The following NFIA variants were observed in gnomAD, a reference collection of about 807,000 sequenced individuals.
The protein encoded by NFIA is nuclear factor I A.
In NFIA, 8 loss-of-function variants were observed where a neutral mutation model predicts 62.8. That is an observed-to-expected ratio of 0.13 (90% CI 0.07 to 0.23). The LOEUF (loss-of-function observed/expected upper bound fraction) is 0.23. Among genes scored for constraint, NFIA ranks in the 10% least tolerant of loss-of-function variants. The pLI, the probability that NFIA is intolerant of heterozygous loss-of-function variation, is 1.00. For synonymous variants in NFIA, 235 were observed against 238.1 expected (o/e 0.99, Z 0.12); for missense variants, 410 against 642.1 (o/e 0.64, Z 3.91).
Position 61,258,020 on chromosome 1 carries a change from T to A in NFIA, c.560-19500T>A, listed in dbSNP as rs1295748638. Among the ~76,000 whole-genome samples, 5 of 152,036 alleles carry A rather than the reference T, an allele frequency of 3.3e-5. No homozygotes were observed. In the East Asian group the frequency reaches 9.6e-4, roughly 29 times the overall value. On this transcript the variant is annotated intron_variant, in intron 2 of 10. Transcript: ENST00000403491. The stretch of plus-strand genomic sequence containing the variant: ...ACCCTTAATCTTTATTATTAGTTCA[T>A]CATCTTTTATCATGTATACTATGTG...
chr1:61,236,289 T>C (rs1275625025), intron 2 of NFIA, among the ~76,000 whole-genome samples: 1 of 152,102 alleles, frequency 6.6e-6, no homozygotes, highest in Non-Finnish European at 1.5e-5. Context: ...TTTAGCTAAA[T>C]AGGTGTGAAG....
intron 2 of NFIA, among the ~76,000 whole-genome samples, chr1:61,255,397 T>G (rs1362844496): frequency 6.6e-6 from 1 of 152,270 alleles, no homozygotes; most frequent in Non-Finnish European, 1.5e-5. Context: ...CATGAGAAAT[T>G]ATCAAGTACA....
At chr1:61,161,654 T>C (rs533305526) in intron 2 of NFIA, among the ~76,000 whole-genome samples, 15 of 152,128 alleles carry the variant, frequency 9.9e-5, no homozygotes, top group African/African-American at 3.6e-4. Flanking sequence ...GGTTTGACTT[T>C]ATGATGAGTT....
At chr1:61,334,573 A>G (rs1210277916) in intron 4 of NFIA, among the ~76,000 whole-genome samples, 40,040 of 60,058 alleles carry the variant, frequency 0.67, 11,678 homozygotes, top group East Asian at 0.77. Flanking sequence ...ATATATATAT[A>G]TATATATATA....
intron 2 of NFIA, among the ~76,000 whole-genome samples, chr1:61,120,613 T>G (rs577954655): frequency 6.6e-6 from 1 of 152,294 alleles, no homozygotes; most frequent in South Asian, 2.1e-4. Context: ...ATAAAGTCAT[T>G]TTTCTGGTCC....
At chr1:61,201,631 T>C (rs1475167276) in intron 2 of NFIA, among the ~76,000 whole-genome samples, 1 of 152,000 alleles carries the variant, frequency 6.6e-6, no homozygotes, top group Admixed American at 6.6e-5. Flanking sequence ...TTAGGTTCAA[T>C]TACATAAGGA....
At position 61,303,410 on chromosome 1, in the gene NFIA, T is replaced by C. The variant is rs189948191; in HGVS notation, c.625+25825T>C. Among the ~76,000 whole-genome samples, 6 of 152,284 alleles carry C rather than the reference T, an allele frequency of 3.9e-5. No homozygotes were observed. In the East Asian group the frequency reaches 9.6e-4, roughly 24 times the overall value. On this transcript the variant is annotated intron_variant, in intron 3 of 10. Transcript: ENST00000403491. ...GTGCATGAGATGATAATAAGTGCTATGGAGAAAAATTAAGAAAGAAAGAGG... is the reference window on the plus strand; with the variant it reads ...GTGCATGAGATGATAATAAGTGCTACGGAGAAAAATTAAGAAAGAAAGAGG...
chr1:61,311,073 G>A (rs765341697), intron 3 of NFIA, among the ~76,000 whole-genome samples: 2 of 152,102 alleles, frequency 1.3e-5, no homozygotes, highest in Non-Finnish European at 2.9e-5. Context: ...ATTGCATCGC[G>A]TTTTCTGAAA....
At chr1:61,199,525 A>G (rs996716276) in intron 2 of NFIA, among the ~76,000 whole-genome samples, 2 of 152,168 alleles carry the variant, frequency 1.3e-5, no homozygotes, top group Admixed American at 6.5e-5. Flanking sequence ...AGTAGTAGAC[A>G]TGAAATTTGA....
rs1016251845 is a variant in NFIA at position 61,219,194 on chromosome 1, T to C, written c.560-58326T>C. ...TTGCAGTAAGCTGAGATCAGGTCAC[T>C]GATCTCCAGCCTAGGTGAAAAAGCG... On this transcript the variant is annotated intron_variant, in intron 2 of 10. Coordinates refer to ENST00000403491, the MANE Select transcript of NFIA (RefSeq NM_001134673.4). Among the ~76,000 whole-genome samples, 6 of 151,386 alleles carry C rather than the reference T, an allele frequency of 4.0e-5. No homozygotes were observed. In the South Asian group the frequency reaches 6.3e-4, roughly 16 times the overall value.
chr1:61,383,161 AAATGT>A, intron 6 of NFIA, 71 bp from the exon 7 acceptor site: 5 of 1,534,626 alleles, frequency 3.3e-6, no homozygotes, highest in Non-Finnish European at 4.5e-6. Flanking sequence ...TTAATTCTTT[AAATGT>A]TATCTTTTAG....
intron 2 of NFIA, among the ~76,000 whole-genome samples, chr1:61,241,987 G>A (rs1423931642): frequency 6.6e-6 from 1 of 152,138 alleles, no homozygotes; most frequent in South Asian, 2.1e-4. Context: ...ACTTCGGGCT[G>A]TGCCTTTTTG....
chr1:61,204,234 A>G (rs1321944440), intron 2 of NFIA, among the ~76,000 whole-genome samples: 2 of 152,144 alleles, frequency 1.3e-5, no homozygotes, highest in Non-Finnish European at 2.9e-5. Flanking sequence ...GATCTTTGTC[A>G]TCTTAGGCAT....
intron 2 of NFIA, among the ~76,000 whole-genome samples, chr1:61,245,958 A>G (rs1055451384): frequency 6.6e-6 from 1 of 152,172 alleles, no homozygotes; most frequent in East Asian, 1.9e-4. Flanking sequence ...GAAATTCACT[A>G]TGAGCCTTGT....
At chr1:61,380,187 A>G (rs184770859) in intron 6 of NFIA, among the ~76,000 whole-genome samples, 15 of 152,314 alleles carry the variant, frequency 9.8e-5, no homozygotes, top group Admixed American at 5.2e-4. Context: ...AATCAAAAGG[A>G]TGAAATGCCC....
chr1:61,246,709 A>C (rs1051529150), intron 2 of NFIA, among the ~76,000 whole-genome samples: 4 of 152,164 alleles, frequency 2.6e-5, no homozygotes, highest in Non-Finnish European at 5.9e-5. Flanking sequence ...TCACTAGGCT[A>C]ATATCTCTTA....
chr1:61,252,857 C>A (rs1161070576), intron 2 of NFIA, among the ~76,000 whole-genome samples: 1 of 152,188 alleles, frequency 6.6e-6, no homozygotes, highest in African/African-American at 2.4e-5. Flanking sequence ...CTGGCCCTAA[C>A]AGTACTGGAT....
rs538030314 is a variant in NFIA at position 61,406,783 on chromosome 1, CCA to C, written c.1420+60_1420+61del. 1.2e-4 allele frequency: 176 copies of C among 1,493,674 alleles called. 1 individual carries two copies. In the African/African-American group the frequency reaches 2.3e-3, roughly 20 times the overall value. The allele number at this position is 1,493,674 out of a possible 1,614,324, so 92.5% of individuals were successfully genotyped here. A position where few individuals can be genotyped will look rare whatever the true frequency, so the allele number is the denominator to read the frequency against. ...CTTCTAAAGCTGTATGCACTGGAAT[CCA>C]CACTTAGGCTTTGTCCCTCACTGTA... On this transcript the variant is annotated intron_variant, in intron 9 of 10. Transcript: ENST00000403491.
chr1:61,242,954 C>T (rs1655432311), intron 2 of NFIA, among the ~76,000 whole-genome samples: 1 of 151,650 alleles, frequency 6.6e-6, no homozygotes, highest in Admixed American at 6.6e-5. Flanking sequence ...GTGGTGTGTA[C>T]ATTTTGTATA....
Sources: allele counts gnomAD v4.1 joint callset (sites outside exome capture counted in the v4.1 genomes callset), GRCh38; gene constraint gnomAD v4.1.1; transcripts MANE v1.5; gene names NCBI Gene and HGNC (gene_info 2026-07-23, HGNC 2026-07-21).